The following HJURP variants were observed in gnomAD, a reference collection of about 807,000 sequenced individuals.
HJURP encodes the protein Holliday junction recognition protein, also known as 14-3-3-associated AKT substrate.
A neutral mutation model predicts 72.0 loss-of-function variants in HJURP; 49 were observed. That is an observed-to-expected ratio of 0.68 (90% CI 0.54 to 0.86). HJURP has a LOEUF of 0.86. Ranked by LOEUF, HJURP falls within the 40% of genes least tolerant of loss-of-function variation. The pLI, the probability that HJURP is intolerant of heterozygous loss-of-function variation, is 0.00. For missense variants in HJURP, 908 were observed against 936.3 expected, an observed-to-expected ratio of 0.97 and a Z score of 0.39; for synonymous variants, 357 against 347.1, an observed-to-expected ratio of 1.03 and a Z score of -0.32.
chr2:233,849,716 G>A (rs1475596195), intron 4 of HJURP, 47 bp downstream of exon 4: 1 of 1,256,058 alleles, frequency 8.0e-7, no homozygotes, highest in Non-Finnish European at 1.1e-6. Context: ...AGGTGCGTCA[G>A]ACCTGGTCCC....
chr2:233,853,715 G>C (rs976980644), intron 2 of HJURP, 129 bp downstream of exon 2: 1 of 688,398 alleles, frequency 1.5e-6, no homozygotes, highest in East Asian at 2.7e-5. Context: ...ACAGGTTTAA[G>C]GGCACCAATG....
intron 8 of HJURP, among the ~76,000 whole-genome samples, chr2:233,838,317 C>G (rs570891252): frequency 3.9e-5 from 6 of 152,294 alleles, no homozygotes; most frequent in Non-Finnish European, 7.4e-5. Flanking sequence ...GCTGAGTCCT[C>G]AGGATGGTCC....
Position 233,841,492 on chromosome 2 carries a change from G to A in HJURP, c.1288C>T (p.Arg430Cys), listed in dbSNP as rs373002470. The change falls in exon 8 of 9, where the codon CGT becomes TGT. Residue 430 changes from arginine to cysteine, a missense_variant. Arg to Cys is a radical substitution (Grantham distance 180). Around this residue, in one of 3 missense-constraint regions of HJURP, gnomAD observed 598 missense variants for 619.5 expected, o/e 0.97. Transcript: ENST00000411486. ...PTIRQGHGEN[R>C]QREIEIRFDQ... is the part of the protein sequence containing the mutation. Reference sequence around the variant, plus strand: ...AATCGGATTTCAATCTCCCTCTGACGGTTCTCTCCATGGCCCTGTCGTATT... The same window carrying A: ...AATCGGATTTCAATCTCCCTCTGACAGTTCTCTCCATGGCCCTGTCGTATT... 59 of 1,613,974 alleles carry A rather than the reference G, an allele frequency of 3.7e-5. No homozygotes were observed. Among genetic ancestry groups the A allele is most frequent in the Middle Eastern group, 1.6e-4 (1 of 6,084 alleles).
chr2:233,839,648 G>A (rs986780338), intron 8 of HJURP, among the ~76,000 whole-genome samples: 2 of 152,234 alleles, frequency 1.3e-5, no homozygotes, highest in Non-Finnish European at 2.9e-5. Context: ...CTGGACGCAC[G>A]GCAGGAGCCA....
In HJURP at chr2:233,854,381, C is replaced by T. The variant is rs1249628023; in HGVS notation, c.117+3G>A. The T allele has an allele frequency of 5.1e-6, 8 of 1,579,420 alleles. No individual in the cohort carries two copies. The African/African-American group carries it at 9.4e-5, about 19-fold the overall frequency. On this transcript the variant is annotated splice_donor_region_variant and intron_variant, in intron 1 of 8. Transcript: ENST00000411486. ...CCTCCCGGCGGACCGGCGGGGGCCG[C>T]ACCTTCTCTATCAGCCGCTGCATGC...
At chr2:233,851,085 A>T (rs1397261925) in intron 3 of HJURP, among the ~76,000 whole-genome samples, 1 of 152,252 alleles carries the variant, frequency 6.6e-6, no homozygotes, top group Non-Finnish European at 1.5e-5. Flanking sequence ...GATTCTGGAG[A>T]CCCAGGTAGG....
At position 233,842,224 on chromosome 2, in the gene HJURP, ATAAAG is replaced by A; in HGVS notation, c.575-24_575-20del. 6.3e-7 allele frequency: 1 copy of A among 1,580,714 alleles called. No homozygotes were observed. The highest frequency in any genetic ancestry group is 8.6e-7 in the Non-Finnish European group (1 of 1,163,020). ...CAGTATCCTGGGAGAAAAGATACAC[ATAAAG>A]TAAAGGTGTGTTACCATTCTAAACC... On this transcript the variant is annotated intron_variant, in intron 7 of 8. Transcript: ENST00000411486.
At chr2:233,842,862 C>T (rs1439809371) in intron 7 of HJURP, among the ~76,000 whole-genome samples, 1 of 152,180 alleles carries the variant, frequency 6.6e-6, no homozygotes, top group African/African-American at 2.4e-5. Context: ...TGTTAACTCA[C>T]TGCGGCTGGT....
Position 233,841,618 on chromosome 2 carries a change from T to C in HJURP, c.1162A>G (p.Ile388Val). 1 of 1,614,104 alleles carries C rather than the reference T, an allele frequency of 6.2e-7. No homozygotes were observed. The highest frequency in any genetic ancestry group is 8.5e-7 in the Non-Finnish European group (1 of 1,179,928). Reference sequence around the variant, plus strand: ...TATGTTGCACTGGAGTCGAAGTAAATCAAGGAAGAATACTTCGAGGGTGTC... The same window carrying C: ...TATGTTGCACTGGAGTCGAAGTAAACCAAGGAAGAATACTTCGAGGGTGTC... ...KVTPSKYSSL[I>V]YFDSSATYNL... Residue 388 changes from isoleucine to valine, a missense_variant, in exon 8 of 9, where the codon ATT becomes GTT. By Grantham distance (29) the Ile-to-Val change is conservative. Coordinates refer to ENST00000411486, the MANE Select transcript of HJURP (RefSeq NM_018410.5).
chr2:233,852,589 C>T lies in HJURP; in HGVS notation c.216G>A (p.Lys72=). 10 of 1,604,996 alleles carry T rather than the reference C, an allele frequency of 6.2e-6. No individual in the cohort carries two copies. Among genetic ancestry groups the T allele is most frequent in the Non-Finnish European group, 8.5e-6 (10 of 1,171,512 alleles). The change falls in exon 3 of 9, where the codon AAG becomes AAA. Residue 72 remains lysine (K), a synonymous_variant. Transcript: ENST00000411486. The part of the protein sequence containing the change: ...GLRIWGGRLI[K]ERNEGEIQDS... ...CCTGGATCTCTCCTTCGTTTCTTTC[C>T]TTTATTAGTCTTCCACCCCAAATTC...
chr2:233,850,435 C>T (rs1231465662), intron 3 of HJURP, among the ~76,000 whole-genome samples: 1 of 152,180 alleles, frequency 6.6e-6, no homozygotes, highest in Non-Finnish European at 1.5e-5. Context: ...TCTCCAGAGC[C>T]TGCTCTATAG....
At position 233,840,895 on chromosome 2, in the gene HJURP, GATTTA is replaced by G; in HGVS notation, c.1880_1884del (p.Leu627SerfsTer29). ...TGGAAACCCTGGAAGTGAGGGTCTG[GATTTA>G]ATTTTCCTAAGAAGCCTTCTGTTTG... is the stretch of plus-strand genomic sequence containing the variant. On this transcript the variant is annotated frameshift_variant, in exon 8 of 9. Transcript: ENST00000411486. LOFTEE classifies it high-confidence loss of function. The G allele has an allele frequency of 6.2e-7, 1 of 1,614,142 alleles. No homozygotes were observed. The highest frequency in any genetic ancestry group is 8.5e-7 in the Non-Finnish European group (1 of 1,180,034).
chr2:233,844,613 G>A lies in HJURP; in HGVS notation c.496-330C>T, dbSNP rs146057273. Among the ~76,000 whole-genome samples the A allele has an allele frequency of 6.7e-3, 1,023 of 152,242 alleles. 10 individuals are homozygous for A. The highest frequency in any genetic ancestry group is 0.023 in the African/African-American group (970 of 41,530). On this transcript the variant is annotated intron_variant, in intron 6 of 8. Coordinates refer to ENST00000411486, the MANE Select transcript of HJURP (RefSeq NM_018410.5). ...AAGAACACCTAGGGGCCAACCGGAC[G>A]GTGGACAAAGAAGACCCAGTAGATC...
chr2:233,839,544 TGA>T (rs1017081535), intron 8 of HJURP, among the ~76,000 whole-genome samples: 11 of 152,296 alleles, frequency 7.2e-5, no homozygotes, highest in African/African-American at 2.4e-4. Flanking sequence ...GCTGGCGGTC[TGA>T]GAGTGTGGTC....
At position 233,846,444 on chromosome 2, in the gene HJURP, T is replaced by TC. The variant is rs1262033663; in HGVS notation, c.403-625dup. On this transcript the variant is annotated intron_variant, in intron 5 of 8. Coordinates refer to ENST00000411486, the MANE Select transcript of HJURP (RefSeq NM_018410.5). This position sits in a 1 kb window ranked among gnomAD's most constrained non-coding sequence, Gnocchi z 4.3. ...TCCAGCCTGGGTGACAGAGTGAAAC[T>TC]CCATCTCAAAAGAACCAAAAACAAA... 6.6e-6 allele frequency among the ~76,000 whole-genome samples: 1 copy of TC among 152,028 alleles called. No individual in the cohort carries two copies. The highest frequency in any genetic ancestry group is 2.4e-5 in the African/African-American group (1 of 41,394).
At chr2:233,852,136 T>C (rs654279) in intron 3 of HJURP, among the ~76,000 whole-genome samples, 93,304 of 152,058 alleles carry the variant, frequency 0.61, 29,270 homozygotes, top group Middle Eastern at 0.76. Context: ...GCTGCACCTC[T>C]CCTCATCTCT....
chr2:233,838,544 C>A (rs553823633), intron 8 of HJURP, among the ~76,000 whole-genome samples: 1 of 152,150 alleles, frequency 6.6e-6, no homozygotes, highest in South Asian at 2.1e-4. Context: ...AGACAAAATC[C>A]CAGGGGCAGG....
rs770470831 is a variant in HJURP at position 233,841,651 on chromosome 2, G to A, written c.1129C>T (p.Arg377Cys). ...IHKLDPSWKE[R>C]KVTPSKYSSL... Reference sequence around the variant, plus strand: ...GAATACTTCGAGGGTGTCACTTTGCGCTCCTTCCAACTTGGATCTAACTTA... The same window carrying A: ...GAATACTTCGAGGGTGTCACTTTGCACTCCTTCCAACTTGGATCTAACTTA... The change falls in exon 8 of 9, where the codon CGC (arginine) becomes TGC (cysteine). Residue 377 changes from arginine to cysteine, a missense_variant. By Grantham distance (180) the Arg-to-Cys change is radical. Around this residue, in one of 3 missense-constraint regions of HJURP, gnomAD observed 598 missense variants for 619.5 expected, o/e 0.97. Coordinates refer to ENST00000411486, the MANE Select transcript of HJURP (RefSeq NM_018410.5). 45 of 1,614,028 alleles carry A rather than the reference G, an allele frequency of 2.8e-5. 1 individual carries two copies. In the Middle Eastern group the frequency reaches 1.2e-3, roughly 41 times the overall value.
Position 233,841,622 on chromosome 2 carries a change from G to A in HJURP, c.1158C>T (p.Ser386=). 8.7e-6 allele frequency: 14 copies of A among 1,614,108 alleles called. No individual in the cohort carries two copies. Among genetic ancestry groups the A allele is most frequent in the Non-Finnish European group, 1.1e-5 (13 of 1,179,948 alleles). ...ERKVTPSKYS[S]LIYFDSSATY... ...TTGCACTGGAGTCGAAGTAAATCAA[G>A]GAAGAATACTTCGAGGGTGTCACTT... is the stretch of plus-strand genomic sequence containing the variant. Residue 386 remains serine, a synonymous_variant, in exon 8 of 9, where the codon TCC becomes TCT. Coordinates refer to ENST00000411486, the MANE Select transcript of HJURP (RefSeq NM_018410.5).
Sources: gnomAD v4.1 joint callset for allele counts (sites outside exome capture counted in the v4.1 genomes callset) on GRCh38, gnomAD v4.1.1 for gene constraint, gnomAD v4.1.1 regional missense constraint, Gnocchi (gnomAD v3.1) non-coding constraint, MANE v1.5 for transcripts, NCBI Gene and HGNC (gene_info 2026-07-23, HGNC 2026-07-21) for gene names.